PARPBP: variants seen among roughly 807,000 people sequenced by gnomAD.
PARPBP encodes PARP1 binding protein.
PARPBP carries 52 observed loss-of-function variants against 50.0 expected under a neutral mutation model. That is an observed-to-expected ratio of 1.04 (90% confidence interval 0.83 to 1.31). The LOEUF is 1.31. Among genes scored for constraint, PARPBP ranks in the 50% most tolerant of loss-of-function variants. The probability of loss-of-function intolerance (pLI) is 0.00; values close to 1 mark genes in which losing one functional copy is unlikely to be tolerated. For synonymous variants in PARPBP, 244 were observed against 232.1 expected, an observed-to-expected ratio of 1.05 and a Z score of -0.47; for missense variants, 697 against 672.0, an observed-to-expected ratio of 1.04 and a Z score of -0.41.
chr12:102,182,698 T>C (rs948228038), intron 9 of PARPBP, 71 bp downstream of exon 9: 2 of 989,612 alleles, frequency 2.0e-6, no homozygotes, highest in Non-Finnish European at 3.2e-6. Context: ...TACATGAAGC[T>C]GAGCTGGGTA....
intron 7 of PARPBP, among the ~76,000 whole-genome samples, chr12:102,176,397 A>G (rs991109712): frequency 6.6e-5 from 10 of 152,234 alleles, no homozygotes; most frequent in African/African-American, 2.2e-4. Flanking sequence ...CAGTCCTGTT[A>G]GAAATTGCTT....
At chr12:102,154,996 G>T in intron 4 of PARPBP, 1 of 318,948 alleles carries the variant, frequency 3.1e-6, no homozygotes, top group Non-Finnish European at 6.1e-6. Flanking sequence ...ACTGATTCCA[G>T]GTCTTTAGAT....
chr12:102,122,795 A>G (rs980318206), intron 1 of PARPBP, among the ~76,000 whole-genome samples: 10 of 152,244 alleles, frequency 6.6e-5, no homozygotes, highest in Non-Finnish European at 1.2e-4. Context: ...GTTATTAGGT[A>G]AAATAAGGAT....
intron 9 of PARPBP, among the ~76,000 whole-genome samples, chr12:102,192,567 G>A (rs1349224778): frequency 6.6e-6 from 1 of 151,934 alleles, no homozygotes; most frequent in Non-Finnish European, 1.5e-5. Flanking sequence ...TTTAAGTCAG[G>A]TTCTCCTCAT....
In PARPBP at chr12:102,196,370, G is replaced by C. The variant is rs1463198125; in HGVS notation, c.*79G>C. 1.0e-6 allele frequency: 1 copy of C among 954,020 alleles called. No individual in the cohort carries two copies. Among genetic ancestry groups the C allele is most frequent in the African/African-American group, 1.7e-5 (1 of 60,210 alleles). 59.1% of individuals were successfully genotyped at this position (954,020 alleles called of 1,614,324 possible). On this transcript the variant is annotated 3_prime_UTR_variant, in exon 11 of 11. Transcript: ENST00000327680. ...CATGCTTAATTTTTAAGAGATCAAG[G>C]TGTAAATTATGATGATTTATTATTT...
In PARPBP at chr12:102,148,298, A is replaced by G. The variant is rs1320960623; in HGVS notation, c.222A>G (p.Lys74=). 1.2e-6 allele frequency: 2 copies of G among 1,608,736 alleles called. No homozygotes were observed. The highest frequency in any genetic ancestry group is 1.3e-5 in the African/African-American group (1 of 74,780). ...LLTWKYLLHE[K]LNLPVENMDV... ...CATGGAAATACTTGCTCCATGAGAA[A>G]TTGAACTTACCAGTTGAAAACATGG... The change falls in exon 3 of 11, where the codon AAA becomes AAG. Residue 74 remains lysine (K), a synonymous_variant. Transcript: ENST00000327680.
intron 2 of PARPBP, among the ~76,000 whole-genome samples, chr12:102,126,017 T>C (rs1289912477): frequency 6.6e-6 from 1 of 152,228 alleles, no homozygotes; most frequent in Non-Finnish European, 1.5e-5. Flanking sequence ...CCCAGAGAGA[T>C]AAGCACAATA....
At chr12:102,193,260 A>G (rs1438195939) in intron 9 of PARPBP, among the ~76,000 whole-genome samples, 1 of 151,946 alleles carries the variant, frequency 6.6e-6, no homozygotes, top group Non-Finnish European at 1.5e-5. Context: ...GTAACAAAAC[A>G]TTCTAAAGAA....
chr12:102,173,507 T>A (rs1337113768), intron 6 of PARPBP, among the ~76,000 whole-genome samples: 2 of 152,262 alleles, frequency 1.3e-5, no homozygotes, highest in East Asian at 3.9e-4. Flanking sequence ...ATTATTACAA[T>A]TGGCAGTACA....
chr12:102,176,107 C>T (rs1475580832), intron 7 of PARPBP, among the ~76,000 whole-genome samples: 6 of 151,932 alleles, frequency 3.9e-5, no homozygotes, highest in African/African-American at 1.2e-4. Flanking sequence ...CTCAGCCTCC[C>T]GAGTAGCTGG....
chr12:102,156,952 A>G (rs936270804), intron 4 of PARPBP, among the ~76,000 whole-genome samples: 3 of 152,214 alleles, frequency 2.0e-5, no homozygotes, highest in Admixed American at 2.0e-4. Context: ...AACATATTTT[A>G]GAAATATGAT....
intron 4 of PARPBP, among the ~76,000 whole-genome samples, chr12:102,156,213 G>A (rs1464029043): frequency 1.8e-5 from 2 of 111,518 alleles, no homozygotes; most frequent in African/African-American, 7.6e-5. Context: ...TTGAGACGGT[G>A]TCTCCTTCTG....
intron 1 of PARPBP, 195 bp downstream of exon 1, chr12:102,120,481 C>T (rs781212645): frequency 2.2e-6 from 1 of 456,560 alleles, no homozygotes; most frequent in South Asian, 1.5e-5. Context: ...CAGTATCTAG[C>T]GATGGAGCTG....
intron 9 of PARPBP, among the ~76,000 whole-genome samples, chr12:102,189,962 T>C (rs1394523445): frequency 6.6e-6 from 1 of 152,196 alleles, no homozygotes; most frequent in Non-Finnish European, 1.5e-5. Context: ...CTCTTGTTTC[T>C]GTACCAACTG....
intron 2 of PARPBP, among the ~76,000 whole-genome samples, chr12:102,126,089 A>G (rs1178125975): frequency 6.6e-6 from 1 of 152,254 alleles, no homozygotes; most frequent in Non-Finnish European, 1.5e-5. Flanking sequence ...TCCACTGGGC[A>G]GATTGTTTTT....
intron 9 of PARPBP, among the ~76,000 whole-genome samples, chr12:102,194,655 A>T (rs555455971): frequency 6.6e-6 from 1 of 151,836 alleles, no homozygotes; most frequent in Non-Finnish European, 1.5e-5. Context: ...TTGAAGATAA[A>T]TGCAAGAGTA....
chr12:102,171,847 C>T (rs1173046296), intron 6 of PARPBP, among the ~76,000 whole-genome samples: 5 of 143,948 alleles, frequency 3.5e-5, no homozygotes, highest in African/African-American at 1.3e-4. Flanking sequence ...CCAGCCTGGG[C>T]AACAGAACGA....
intron 9 of PARPBP, among the ~76,000 whole-genome samples, chr12:102,185,538 T>C (rs1890222827): frequency 6.6e-6 from 1 of 152,244 alleles, no homozygotes; most frequent in Non-Finnish European, 1.5e-5. Flanking sequence ...AGAATGAGTT[T>C]GAAAGTGTCT....
chr12:102,139,113 T>C (rs1884137291), intron 2 of PARPBP, among the ~76,000 whole-genome samples: 1 of 152,226 alleles, frequency 6.6e-6, no homozygotes, highest in Non-Finnish European at 1.5e-5. Context: ...ATTCTTCCTG[T>C]CCATGAGCAT....
Sources: allele counts gnomAD v4.1 joint callset (sites outside exome capture counted in the v4.1 genomes callset), GRCh38; gene constraint gnomAD v4.1.1; transcripts MANE v1.5; gene names NCBI Gene and HGNC (gene_info 2026-07-23, HGNC 2026-07-21).